Variants in GRIN2B observed in about 807,000 individuals in gnomAD.
The protein encoded by GRIN2B is glutamate ionotropic receptor NMDA type subunit 2B.
A neutral mutation model predicts 114.5 loss-of-function variants in GRIN2B; 5 were observed. The ratio of observed to expected loss-of-function variants is 0.04; its 90% CI spans 0.02 to 0.09. The LOEUF (loss-of-function observed/expected upper bound fraction) is 0.09, where lower values mean the gene tolerates loss of function less well. GRIN2B is among the 10% of genes least tolerant of loss of function. The pLI, the probability that GRIN2B is intolerant of heterozygous loss-of-function variation, is 1.00. For missense variants in GRIN2B, 1,108 were observed against 1,943.5 expected, an observed-to-expected ratio of 0.57 and a Z score of 8.08; for synonymous variants, 787 against 745.1, an observed-to-expected ratio of 1.06 and a Z score of -0.92.
chr12:13,649,147 A>T (rs1333033661), intron 5 of GRIN2B, among the ~76,000 whole-genome samples: 3 of 152,076 alleles, frequency 2.0e-5, no homozygotes, highest in Non-Finnish European at 4.4e-5. Flanking sequence ...GGTTGTTAGG[A>T]ATAAGCAAGA....
intron 2 of GRIN2B, among the ~76,000 whole-genome samples, chr12:13,941,819 A>T (rs1354961335): frequency 1.3e-5 from 2 of 152,230 alleles, no homozygotes; most frequent in Admixed American, 1.3e-4. Context: ...ACTAAACATA[A>T]GATTGAAAGC....
intron 4 of GRIN2B, among the ~76,000 whole-genome samples, chr12:13,750,029 G>A (rs1408794595): frequency 2.6e-5 from 4 of 152,174 alleles, no homozygotes; most frequent in Admixed American, 2.6e-4. Context: ...AGTAAAGGCA[G>A]GGAACTGGGG....
chr12:13,977,634 A>G (rs1334509006), intron 2 of GRIN2B, among the ~76,000 whole-genome samples: 2 of 152,152 alleles, frequency 1.3e-5, no homozygotes, highest in Admixed American at 1.3e-4. Context: ...AGGAGAAAAG[A>G]CAAAATAGAA....
intron 3 of GRIN2B, among the ~76,000 whole-genome samples, chr12:13,820,889 T>C (rs1019009894): frequency 2.6e-5 from 4 of 152,160 alleles, no homozygotes; most frequent in South Asian, 2.1e-4. Context: ...CTTTCTATAA[T>C]AGGAATTTGA....
intron 4 of GRIN2B, among the ~76,000 whole-genome samples, chr12:13,705,400 T>C (rs538591230): frequency 6.6e-6 from 1 of 152,312 alleles, no homozygotes; most frequent in Non-Finnish European, 1.5e-5. Flanking sequence ...ATGGATGATA[T>C]AAGGCATAGT....
intron 5 of GRIN2B, among the ~76,000 whole-genome samples, chr12:13,658,811 G>A (rs1030848398): frequency 1.4e-5 from 2 of 145,826 alleles, no homozygotes; most frequent in Admixed American, 1.3e-4. Context: ...AATGATGCAT[G>A]AATGAGAACC....
intron 3 of GRIN2B, among the ~76,000 whole-genome samples, chr12:13,799,219 T>C (rs1864465365): frequency 6.6e-6 from 1 of 152,160 alleles, no homozygotes; most frequent in South Asian, 2.1e-4. Flanking sequence ...CTGACACTAA[T>C]TAGCCCTTCC....
At chr12:13,716,747 G>C (rs1253710690) in intron 4 of GRIN2B, among the ~76,000 whole-genome samples, 1 of 151,874 alleles carries the variant, frequency 6.6e-6, no homozygotes, top group African/African-American at 2.4e-5. Context: ...ACAAAATAGA[G>C]GGCATTTCGC....
At chr12:13,915,978 T>A (rs562007330) in intron 2 of GRIN2B, among the ~76,000 whole-genome samples, 26 of 152,074 alleles carry the variant, frequency 1.7e-4, no homozygotes, top group Non-Finnish European at 3.1e-4. Flanking sequence ...GTTCACTGTA[T>A]TTGGGGAGTG....
intron 3 of GRIN2B, among the ~76,000 whole-genome samples, chr12:13,826,731 T>C (rs1217437605): frequency 6.6e-6 from 1 of 152,160 alleles, no homozygotes; most frequent in Admixed American, 6.5e-5. Flanking sequence ...GTTTTTTGCT[T>C]TACATGGCTA....
intron 3 of GRIN2B, among the ~76,000 whole-genome samples, chr12:13,786,659 G>T (rs1435052005): frequency 6.6e-6 from 1 of 150,968 alleles, no homozygotes; most frequent in Non-Finnish European, 1.5e-5. Flanking sequence ...TTTCCCACAG[G>T]TATCAGGGCT....
intron 3 of GRIN2B, among the ~76,000 whole-genome samples, chr12:13,758,998 A>ATT (rs5796560): frequency 0.013 from 1,117 of 85,640 alleles, 145 homozygotes; most frequent in African/African-American, 0.048. Context: ...ATCTAGTTCA[A>ATT]TTTTTTTTTT....
chr12:13,846,294 C>G (rs181051762), intron 3 of GRIN2B, among the ~76,000 whole-genome samples: 26 of 152,278 alleles, frequency 1.7e-4, no homozygotes, highest in Admixed American at 1.6e-3. Context: ...CCCTAAAAAG[C>G]GAGTAGCAGC....
Position 13,883,388 on chromosome 12 carries a change from T to C in GRIN2B, c.-18-17162A>G, listed in dbSNP as rs189190145. 6.3e-3 allele frequency among the ~76,000 whole-genome samples: 961 copies of C among 152,332 alleles called. 3 individuals carry two copies. Among genetic ancestry groups the C allele is most frequent in the Non-Finnish European group, 0.011 (748 of 68,014 alleles). ...CCCACCAGCAGTTTCTCCACATTCT[T>C]ACCATTCCTACCAACCTATTCTTTC... On this transcript the variant is annotated intron_variant, in intron 2 of 13. Transcript: ENST00000609686.
intron 2 of GRIN2B, among the ~76,000 whole-genome samples, chr12:13,955,247 CTAGCATTCCTTGT>C (rs1306438051): frequency 2.6e-5 from 4 of 152,196 alleles, no homozygotes; most frequent in South Asian, 2.1e-4. Flanking sequence ...TTATTTAGAC[CTAGCATTCCTTGT>C]TAGCAGAGAG....
At chr12:13,752,258 T>C (rs1300418856) in intron 4 of GRIN2B, among the ~76,000 whole-genome samples, 1 of 152,200 alleles carries the variant, frequency 6.6e-6, no homozygotes, top group African/African-American at 2.4e-5. Flanking sequence ...TTTCTGTACA[T>C]CTTAATACAA....
At chr12:13,849,768 C>A (rs546598782) in intron 3 of GRIN2B, among the ~76,000 whole-genome samples, 1 of 152,280 alleles carries the variant, frequency 6.6e-6, no homozygotes, top group African/African-American at 2.4e-5. Context: ...TCTATCATTA[C>A]CGACAAATAC....
intron 2 of GRIN2B, among the ~76,000 whole-genome samples, chr12:13,967,203 A>C (rs934939352): frequency 6.6e-6 from 1 of 152,206 alleles, no homozygotes; most frequent in Non-Finnish European, 1.5e-5. Flanking sequence ...AAAGAGGTCC[A>C]CAAATCATTC....
At chr12:13,607,416 AAT>A (rs1479239468) in intron 10 of GRIN2B, among the ~76,000 whole-genome samples, 5 of 74,804 alleles carry the variant, frequency 6.7e-5, no homozygotes, top group African/African-American at 1.7e-4. Flanking sequence ...TAAAATATAT[AAT>A]ATATATTATA....
Sources: gnomAD v4.1 joint callset for allele counts (sites outside exome capture counted in the v4.1 genomes callset) on GRCh38, gnomAD v4.1.1 for gene constraint, MANE v1.5 for transcripts, NCBI Gene and HGNC (gene_info 2026-07-23, HGNC 2026-07-21) for gene names.